The following CLCN6 variants were observed in gnomAD, a reference collection of about 807,000 sequenced individuals.
The protein encoded by CLCN6 is Cl-/H+ antiporter 6.
A neutral mutation model predicts 109.8 loss-of-function variants in CLCN6; 70 were observed. That is an observed-to-expected ratio of 0.64 (90% CI 0.53 to 0.78). The LOEUF (loss-of-function observed/expected upper bound fraction) is 0.78. Ranked by LOEUF, CLCN6 falls within the 30% of genes least tolerant of loss-of-function variation. The pLI is 0.00. For missense variants in CLCN6, 984 were observed against 1,142.3 expected (o/e 0.86, Z 2.00); for synonymous variants, 444 against 447.8 (o/e 0.99, Z 0.11).
chr1:11,816,563 C>T (rs1378664841), intron 3 of CLCN6, 52 bp from the exon 4 acceptor site: 3 of 1,533,422 alleles, frequency 2.0e-6, no homozygotes, highest in African/African-American at 1.4e-5. Context: ...TATTTCTTCC[C>T]CTCTGCCACC....
rs1299179366 is a variant in CLCN6 at position 11,829,471 on chromosome 1, T to C, written c.1248+149T>C. 8 of 967,554 alleles carry C rather than the reference T, an allele frequency of 8.3e-6. No homozygotes were observed. In the African/African-American group the frequency reaches 8.3e-5, roughly 10 times the overall value. The allele number at this position is 967,554 out of a possible 1,614,324, so 59.9% of individuals were successfully genotyped here. A position where few individuals can be genotyped will look rare whatever the true frequency, so the allele number is the denominator to read the frequency against. ...CGTTGAGAGATATGGGAATCTGTAGTCGTCTTTTTACCTCAGAGAAAGTGC... is the reference window on the plus strand; with the variant it reads ...CGTTGAGAGATATGGGAATCTGTAGCCGTCTTTTTACCTCAGAGAAAGTGC... On this transcript the variant is annotated intron_variant, in intron 13 of 22. Transcript: ENST00000346436.
At chr1:11,836,262 G>A in intron 18 of CLCN6, 109 bp downstream of exon 18, 1 of 1,011,620 alleles carries the variant, frequency 9.9e-7, no homozygotes, top group East Asian at 2.6e-5. Context: ...CGGCTCTCAG[G>A]GGAAGTTGGC....
intron 10 of CLCN6, 39 bp downstream of exon 10, chr1:11,827,260 C>A: frequency 6.3e-7 from 1 of 1,586,776 alleles, no homozygotes; most frequent in Non-Finnish European, 8.6e-7. Flanking sequence ...ACCACACCCC[C>A]CGAATTACAC....
rs540211703 is a variant in CLCN6, at chr1:11,836,890, G to A, written c.1981-109G>A. On this transcript the variant is annotated intron_variant, in intron 18 of 22. Transcript: ENST00000346436. Reference sequence around the variant, plus strand: ...TGAACCTCAGCCCCATTAAGTTCCTGCGTCCGGATGTGCTTCTGACCCTCC... The same window carrying A: ...TGAACCTCAGCCCCATTAAGTTCCTACGTCCGGATGTGCTTCTGACCCTCC... 101 of 1,283,244 alleles carry A rather than the reference G, an allele frequency of 7.9e-5. No individual in the cohort carries two copies. The African/African-American group carries it at 1.3e-3, about 16-fold the overall frequency. 79.5% of individuals were successfully genotyped at this position (1,283,244 alleles called of 1,614,324 possible). A position where few individuals can be genotyped will look rare whatever the true frequency, so the allele number is the denominator to read the frequency against.
At chr1:11,840,078 T>C in intron 22 of CLCN6, 65 bp from the exon 23 acceptor site, 2 of 1,332,486 alleles carry the variant, frequency 1.5e-6, no homozygotes, top group Non-Finnish European at 2.2e-6. Flanking sequence ...GGCCGGCTCC[T>C]GTCACTCCTG....
intron 1 of CLCN6, chr1:11,806,930 G>T: frequency 1.7e-6 from 1 of 577,304 alleles, no homozygotes. Context: ...GACTATCAGT[G>T]GAAATGAAGA....
intron 13 of CLCN6, among the ~76,000 whole-genome samples, chr1:11,832,528 G>A (rs925282563): frequency 3.9e-5 from 6 of 152,262 alleles, no homozygotes; most frequent in Non-Finnish European, 8.8e-5. Context: ...CCAGTGCCAG[G>A]TGCTGCCAGT....
chr1:11,807,173 C>T lies in CLCN6; in HGVS notation c.130C>T (p.Pro44Ser), dbSNP rs1644526951. 1 of 1,614,124 alleles carries T rather than the reference C, an allele frequency of 6.2e-7. No homozygotes were observed. Among genetic ancestry groups the T allele is most frequent in the Non-Finnish European group, 8.5e-7 (1 of 1,180,000 alleles). Residue 44 changes from proline (P) to serine (S), a missense_variant, in exon 2 of 23, where the codon CCA (proline) becomes TCA (serine). By Grantham distance (74) the Pro-to-Ser change is moderately conservative. Transcript: ENST00000346436. Reference protein sequence around the residue: ...ETQEEEDEILPRKDYESLDYD... With the variant: ...ETQEEEDEILSRKDYESLDYD... ...ACAGGAGGAGGAGGATGAGATTCTTCCAAGGAAAGACTATGAGGTGAGCTC... is the reference window on the plus strand; with the variant it reads ...ACAGGAGGAGGAGGATGAGATTCTTTCAAGGAAAGACTATGAGGTGAGCTC...
chr1:11,828,713 G>C (rs1644844527), intron 12 of CLCN6, 89 bp downstream of exon 12: 1 of 1,324,298 alleles, frequency 7.6e-7, no homozygotes, highest in Non-Finnish European at 1.0e-6. Flanking sequence ...AGCGGACCCT[G>C]CCTCCACGGC....
At chr1:11,820,092 A>G (rs1205139306) in intron 5 of CLCN6, among the ~76,000 whole-genome samples, 8 of 152,250 alleles carry the variant, frequency 5.3e-5, no homozygotes, top group African/African-American at 1.4e-4. Flanking sequence ...CCTCACATAC[A>G]TGGAACTTTG....
At chr1:11,829,164 T>G in intron 12 of CLCN6, 32 bp from the exon 13 acceptor site, 1 of 1,603,986 alleles carries the variant, frequency 6.2e-7, no homozygotes, top group Non-Finnish European at 8.5e-7. Context: ...CTTCTTTCTG[T>G]GGCGTTGTAA....
rs1644626908 is a variant in CLCN6 at position 11,813,351 on chromosome 1, C to CT, written c.148-2489dup. On this transcript the variant is annotated intron_variant, in intron 2 of 22. Coordinates refer to ENST00000346436, the MANE Select transcript of CLCN6 (RefSeq NM_001286.5). Reference sequence around the variant, plus strand: ...TGGATGAGTCTAGTTTCTAAAAGTACTTTTTTCATCACTGTGTTTCTTTTC... The same window carrying CT: ...TGGATGAGTCTAGTTTCTAAAAGTACTTTTTTTCATCACTGTGTTTCTTTTC... 1.3e-5 allele frequency among the ~76,000 whole-genome samples: 2 copies of CT among 151,604 alleles called. 1 individual carries two copies. The highest frequency in any genetic ancestry group is 4.2e-4 in the South Asian group (2 of 4,802).
chr1:11,810,150 G>C (rs1197904987), intron 2 of CLCN6, among the ~76,000 whole-genome samples: 1 of 152,214 alleles, frequency 6.6e-6, no homozygotes, highest in Non-Finnish European at 1.5e-5. Flanking sequence ...AAACCCTTCT[G>C]TTGAATATCT....
intron 12 of CLCN6, 57 bp downstream of exon 12, chr1:11,828,681 G>C (rs1644843694): frequency 1.3e-5 from 20 of 1,525,218 alleles, no homozygotes; most frequent in Non-Finnish European, 1.8e-5. Flanking sequence ...GCTTGGTGTG[G>C]GCCGCGCCAT....
In CLCN6 at chr1:11,806,438, G is replaced by C. The variant is rs1392149269; in HGVS notation, c.87+89G>C. 31 of 1,266,674 alleles carry C rather than the reference G, an allele frequency of 2.4e-5. No homozygotes were observed. In the East Asian group the frequency reaches 9.7e-4, roughly 40 times the overall value. The allele number at this position is 1,266,674 out of a possible 1,614,324, so 78.5% of individuals were successfully genotyped here. ...CCGGGGGTGGGGCCGGGCCAATCTGGGCCCGCAGGTGGCAGCGGGTGGGGC... is the reference window on the plus strand; with the variant it reads ...CCGGGGGTGGGGCCGGGCCAATCTGCGCCCGCAGGTGGCAGCGGGTGGGGC... On this transcript the variant is annotated intron_variant, in intron 1 of 22. Coordinates refer to ENST00000346436, the MANE Select transcript of CLCN6 (RefSeq NM_001286.5).
chr1:11,828,649 C>A (rs747861448), intron 12 of CLCN6, 25 bp downstream of exon 12: 2 of 1,572,954 alleles, frequency 1.3e-6, no homozygotes. Flanking sequence ...GCCTCCCCCC[C>A]GAGCCTGCTG....
intron 2 of CLCN6, 31 bp from the exon 3 acceptor site, chr1:11,815,815 G>T: frequency 6.3e-7 from 1 of 1,588,340 alleles, no homozygotes; most frequent in South Asian, 1.1e-5. Flanking sequence ...CACCTGACAT[G>T]ACCTTTTGAC....
chr1:11,808,294 A>G (rs116649336), intron 2 of CLCN6, among the ~76,000 whole-genome samples: 213 of 147,916 alleles, frequency 1.4e-3, no homozygotes, highest in African/African-American at 5.1e-3. Context: ...CAGTCTCCCT[A>G]TGTTGCCCAG....
rs913357058 is a variant in CLCN6, at chr1:11,815,940, G to A, written c.213+29G>A. Reference sequence around the variant, plus strand: ...GGTCTTACAATTCTTCATCTCTGGGGATCAAATCAGTCTTAACATGGCATT... The same window carrying A: ...GGTCTTACAATTCTTCATCTCTGGGAATCAAATCAGTCTTAACATGGCATT... On this transcript the variant is annotated intron_variant, in intron 3 of 22. Coordinates refer to ENST00000346436, the MANE Select transcript of CLCN6 (RefSeq NM_001286.5). 6 of 1,538,814 alleles carry A rather than the reference G, an allele frequency of 3.9e-6. No individual in the cohort carries two copies. In the African/African-American group the frequency reaches 5.5e-5, roughly 14 times the overall value.
Sources: gnomAD v4.1 joint callset for allele counts (sites outside exome capture counted in the v4.1 genomes callset) on GRCh38, gnomAD v4.1.1 for gene constraint, MANE v1.5 for transcripts, NCBI Gene and HGNC (gene_info 2026-07-23, HGNC 2026-07-21) for gene names.